Variants in WWOX observed in about 807,000 individuals in gnomAD.
The protein encoded by WWOX is WW domain containing oxidoreductase, also known as WW domain-containing oxidoreductase.
WWOX carries 69 observed loss-of-function variants against 46.2 expected under a neutral mutation model. That is an observed-to-expected ratio of 1.49 (90% confidence interval 1.23 to 1.82). WWOX has a LOEUF of 1.82. WWOX is among the 40% of genes most tolerant of loss of function. The pLI, the probability that WWOX is intolerant of heterozygous loss-of-function variation, is 0.00. For missense variants in WWOX, 919 were observed against 542.6 expected (o/e 1.69, Z -6.89); for synonymous variants, 359 against 202.6 (o/e 1.77, Z -6.56).
At chr16:79,147,986 A>C (rs2050210984) in intron 8 of WWOX, among the ~76,000 whole-genome samples, 1 of 151,562 alleles carries the variant, frequency 6.6e-6, no homozygotes, top group Admixed American at 6.6e-5. Flanking sequence ...TCTTTGTTGG[A>C]TATGTGGTTT....
At chr16:78,612,323 C>T (rs2045920672) in intron 8 of WWOX, among the ~76,000 whole-genome samples, 1 of 152,220 alleles carries the variant, frequency 6.6e-6, no homozygotes, top group South Asian at 2.1e-4. Flanking sequence ...TGAAGGTAGA[C>T]AAGCTCTTTG....
At chr16:78,376,654 A>T (rs1191806482) in intron 5 of WWOX, among the ~76,000 whole-genome samples, 1 of 152,198 alleles carries the variant, frequency 6.6e-6, no homozygotes, top group East Asian at 1.9e-4. Context: ...TCGTTGTAAG[A>T]TATTGAGTAG....
intron 8 of WWOX, among the ~76,000 whole-genome samples, chr16:78,775,627 T>A (rs1227309353): frequency 6.6e-6 from 1 of 152,128 alleles, no homozygotes; most frequent in East Asian, 1.9e-4. Context: ...CCTGCTCCAA[T>A]GAGGATGAAA....
At chr16:78,830,688 GC>G (rs2051795578) in intron 8 of WWOX, among the ~76,000 whole-genome samples, 1 of 151,816 alleles carries the variant, frequency 6.6e-6, no homozygotes. Context: ...GACAGGTACG[GC>G]CGTGCAGCTT....
rs890360076 is a variant in WWOX, at chr16:78,443,037, A to G, written c.1056+10285A>G. 5.5e-4 allele frequency among the ~76,000 whole-genome samples: 83 copies of G among 151,268 alleles called. 1 individual carries two copies. In the Middle Eastern group the frequency reaches 0.014, roughly 25 times the overall value. On this transcript the variant is annotated intron_variant, in intron 8 of 8. Transcript: ENST00000566780. Reference sequence around the variant, plus strand: ...TGTAGTCCCAGCTACTCAGGAGGCTAAGGCAGGAGAATGGCGTGAACCCGG... The same window carrying G: ...TGTAGTCCCAGCTACTCAGGAGGCTGAGGCAGGAGAATGGCGTGAACCCGG...
At chr16:78,393,969 C>G (rs2082232522) in intron 6 of WWOX, among the ~76,000 whole-genome samples, 1 of 152,088 alleles carries the variant, frequency 6.6e-6, no homozygotes, top group Non-Finnish European at 1.5e-5. Flanking sequence ...ACTTTCAGAA[C>G]TTGAATCTAC....
chr16:78,928,831 C>G (rs1413043086), intron 8 of WWOX, among the ~76,000 whole-genome samples: 3 of 152,140 alleles, frequency 2.0e-5, no homozygotes, highest in African/African-American at 4.8e-5. Flanking sequence ...AACTTGAACC[C>G]AAGCTTCTCT....
chr16:78,202,000 C>A (rs554626818), intron 5 of WWOX, among the ~76,000 whole-genome samples: 1 of 152,120 alleles, frequency 6.6e-6, no homozygotes, highest in Non-Finnish European at 1.5e-5. Context: ...CCACCACACC[C>A]AGCCTTCCTT....
intron 1 of WWOX, among the ~76,000 whole-genome samples, chr16:78,101,177 A>G (rs534200779): frequency 1.3e-5 from 2 of 150,458 alleles, no homozygotes; most frequent in African/African-American, 4.9e-5. Flanking sequence ...CCTCCCGAGT[A>G]GCTGGGACTA....
intron 8 of WWOX, among the ~76,000 whole-genome samples, chr16:79,183,905 G>A (rs1022560502): frequency 6.6e-6 from 1 of 152,172 alleles, no homozygotes; most frequent in Non-Finnish European, 1.5e-5. Context: ...TCTATACTTA[G>A]AGCTTCGAGA....
intron 5 of WWOX, among the ~76,000 whole-genome samples, chr16:78,298,558 G>A (rs1036327790): frequency 2.0e-5 from 3 of 152,134 alleles, no homozygotes; most frequent in Non-Finnish European, 4.4e-5. Flanking sequence ...TTGGGAGGCC[G>A]AGGCGGGCAG....
Position 78,785,984 on chromosome 16 carries a change from G to A in WWOX, c.1056+353232G>A, listed in dbSNP as rs368464037. ...TGCAGTGGCGCGATCTCTGCTCACC[G>A]CAACCTCCGCCTCCTGGGTTCAAGC... On this transcript the variant is annotated intron_variant, in intron 8 of 8. Transcript: ENST00000566780. Among the ~76,000 whole-genome samples the A allele has an allele frequency of 1.1e-4, 16 of 152,106 alleles. No homozygotes were observed. The East Asian group carries it at 2.1e-3, about 20-fold the overall frequency.
chr16:78,334,869 C>G (rs1211095355), intron 5 of WWOX, among the ~76,000 whole-genome samples: 6 of 143,032 alleles, frequency 4.2e-5, no homozygotes, highest in African/African-American at 1.4e-4. Flanking sequence ...ATCACCAAAT[C>G]ACACCTGAAC....
intron 4 of WWOX, among the ~76,000 whole-genome samples, chr16:78,151,852 G>A (rs2034419723): frequency 6.6e-6 from 1 of 152,188 alleles, no homozygotes; most frequent in Non-Finnish European, 1.5e-5. Context: ...CCACTTTTGT[G>A]TCTTACGTGC....
chr16:78,367,204 C>G (rs2081555663), intron 5 of WWOX, among the ~76,000 whole-genome samples: 1 of 151,998 alleles, frequency 6.6e-6, no homozygotes, highest in Non-Finnish European at 1.5e-5. Context: ...TGGTCTCAAT[C>G]TCCTGACCTC....
chr16:78,879,687 G>C (rs1264872494), intron 8 of WWOX, among the ~76,000 whole-genome samples: 1 of 152,074 alleles, frequency 6.6e-6, no homozygotes, highest in Non-Finnish European at 1.5e-5. Context: ...AGACCAGTCT[G>C]ATCAACATGG....
chr16:78,105,199 C>T (rs1009196316), intron 1 of WWOX, among the ~76,000 whole-genome samples: 3 of 152,182 alleles, frequency 2.0e-5, no homozygotes, highest in African/African-American at 4.8e-5. Context: ...CAGTGGTTCA[C>T]GCCTGTAATC....
At chr16:78,462,709 C>T (rs114809919) in intron 8 of WWOX, among the ~76,000 whole-genome samples, 178 of 152,292 alleles carry the variant, frequency 1.2e-3, no homozygotes, top group African/African-American at 4.1e-3. Flanking sequence ...GGTGCAATAA[C>T]ATCTTAATAC....
intron 5 of WWOX, among the ~76,000 whole-genome samples, chr16:78,216,000 G>A (rs1243534332): frequency 6.6e-6 from 1 of 151,948 alleles, no homozygotes; most frequent in Non-Finnish European, 1.5e-5. Context: ...TCACAGATGA[G>A]CCACTAACTG....
Sources: allele counts gnomAD v4.1 joint callset (sites outside exome capture counted in the v4.1 genomes callset), GRCh38; gene constraint gnomAD v4.1.1; transcripts MANE v1.5; gene names NCBI Gene and HGNC (gene_info 2026-07-23, HGNC 2026-07-21).